Variants in UBAP1 observed in about 807,000 individuals in gnomAD.
UBAP1 encodes the protein ubiquitin-associated protein 1.
In UBAP1, 5 loss-of-function variants were observed where a neutral mutation model predicts 39.0. The ratio of observed to expected loss-of-function variants is 0.13; its 90% CI spans 0.07 to 0.27. The LOEUF (loss-of-function observed/expected upper bound fraction) is 0.27. UBAP1 is among the 10% of genes least tolerant of loss of function. The pLI is 1.00. For missense variants in UBAP1, 490 were observed against 608.1 expected (o/e 0.81, Z 2.04); for synonymous variants, 211 against 225.1 (o/e 0.94, Z 0.56).
intron 2 of UBAP1, among the ~76,000 whole-genome samples, chr9:34,233,528 C>T (rs972486136): frequency 3.9e-5 from 6 of 152,066 alleles, no homozygotes; most frequent in Admixed American, 6.6e-5. Context: ...CTCATCCATT[C>T]AGTATTTATT....
At chr9:34,194,698 A>G (rs1830923671) in intron 1 of UBAP1, among the ~76,000 whole-genome samples, 1 of 152,228 alleles carries the variant, frequency 6.6e-6, no homozygotes, top group Non-Finnish European at 1.5e-5. Flanking sequence ...ACATTTATTG[A>G]AAACATTATG....
At chr9:34,179,469 G>T (rs1829894601) in intron 1 of UBAP1, among the ~76,000 whole-genome samples, 3 of 152,050 alleles carry the variant, frequency 2.0e-5, no homozygotes, top group Admixed American at 1.3e-4. Flanking sequence ...GTGGGATGCG[G>T]AAAAATGAGT....
chr9:34,202,900 A>T (rs188001374), intron 1 of UBAP1, among the ~76,000 whole-genome samples: 1 of 152,152 alleles, frequency 6.6e-6, no homozygotes, highest in East Asian at 1.9e-4. Context: ...ATTATCAAAT[A>T]TTCATGTTTT....
At chr9:34,200,971 G>A (rs1428296744) in intron 1 of UBAP1, among the ~76,000 whole-genome samples, 5 of 152,020 alleles carry the variant, frequency 3.3e-5, no homozygotes, top group African/African-American at 7.2e-5. Flanking sequence ...GTGTGATGGC[G>A]TGATCTTGGC....
chr9:34,204,833 C>G (rs1340116260), intron 1 of UBAP1, among the ~76,000 whole-genome samples: 3 of 151,988 alleles, frequency 2.0e-5, no homozygotes, highest in African/African-American at 7.3e-5. Flanking sequence ...AACTTGTTGA[C>G]ATTATTTTTT....
At chr9:34,206,206 A>C (rs1408691335) in intron 1 of UBAP1, 1 of 152,254 alleles carries the variant, frequency 6.6e-6, no homozygotes, top group Non-Finnish European at 1.5e-5. Flanking sequence ...GAGATCAGAC[A>C]AGATCAGGAG....
At chr9:34,208,102 C>T (rs892997961) in intron 1 of UBAP1, among the ~76,000 whole-genome samples, 3 of 152,112 alleles carry the variant, frequency 2.0e-5, no homozygotes, top group Non-Finnish European at 2.9e-5. Flanking sequence ...CTTCTTTGAG[C>T]ATTAATGCTG....
chr9:34,231,130 T>TGTG (rs1268650627), intron 2 of UBAP1, among the ~76,000 whole-genome samples: 1 of 37,406 alleles, frequency 2.7e-5, no homozygotes, highest in African/African-American at 1.4e-4. Context: ...AAAAATTATG[T>TGTG]GTGTGTGTGT....
intron 1 of UBAP1, among the ~76,000 whole-genome samples, chr9:34,196,896 A>ATT (rs1259037434): frequency 2.0e-5 from 2 of 97,736 alleles, no homozygotes; most frequent in East Asian, 7.1e-4. Context: ...TAATATTGTT[A>ATT]TTTGTGTGTG....
At chr9:34,185,164 C>T (rs537483111) in intron 1 of UBAP1, among the ~76,000 whole-genome samples, 2 of 150,744 alleles carry the variant, frequency 1.3e-5, no homozygotes, top group South Asian at 4.2e-4. Context: ...GAACTTCGGA[C>T]CTCAGGTGAT....
intron 1 of UBAP1, among the ~76,000 whole-genome samples, chr9:34,218,926 T>A (rs1360630571): frequency 6.6e-6 from 1 of 151,990 alleles, no homozygotes; most frequent in African/African-American, 2.4e-5. Context: ...GCAAGATGCC[T>A]GTGAATGTTT....
chr9:34,246,191 TG>T (rs1286308589), intron 4 of UBAP1, among the ~76,000 whole-genome samples: 1 of 152,160 alleles, frequency 6.6e-6, no homozygotes, highest in African/African-American at 2.4e-5. Context: ...CTCAGCCTTC[TG>T]GGTAGCTGGG....
intron 1 of UBAP1, among the ~76,000 whole-genome samples, chr9:34,180,230 G>A (rs552197613): frequency 4.6e-5 from 7 of 152,192 alleles, no homozygotes; most frequent in East Asian, 1.9e-4. Flanking sequence ...AAAAGTTTCC[G>A]TATTGGCCGG....
At chr9:34,181,118 T>TTTTTTTTTC (rs1830001665) in intron 1 of UBAP1, among the ~76,000 whole-genome samples, 6 of 109,652 alleles carry the variant, frequency 5.5e-5, no homozygotes, top group East Asian at 2.9e-4. Flanking sequence ...CCTGTTTTCT[T>TTTTTTTTTC]TTTTTTTTTT....
chr9:34,237,269 A>C (rs1046270722), intron 3 of UBAP1, among the ~76,000 whole-genome samples: 5 of 152,200 alleles, frequency 3.3e-5, no homozygotes, highest in African/African-American at 1.2e-4. Context: ...ACTGCCCTCA[A>C]GGTACTTACA....
chr9:34,249,532 T>C (rs182587412), intron 4 of UBAP1, among the ~76,000 whole-genome samples: 2 of 152,164 alleles, frequency 1.3e-5, no homozygotes, highest in Admixed American at 6.5e-5. Context: ...AAAGTGGGAC[T>C]AGGGCAGAGC....
At chr9:34,242,151 T>C in intron 4 of UBAP1, 43 bp downstream of exon 4, 3 of 1,517,030 alleles carry the variant, frequency 2.0e-6, no homozygotes, top group Non-Finnish European at 2.7e-6. Flanking sequence ...ATTTTCCTGA[T>C]GACAGGGATT....
At chr9:34,187,708 C>CT (rs926831232) in intron 1 of UBAP1, among the ~76,000 whole-genome samples, 47 of 145,456 alleles carry the variant, frequency 3.2e-4, no homozygotes, top group East Asian at 9.9e-4. Context: ...ATGTATTTTG[C>CT]TTTTTTTTTT....
intron 3 of UBAP1, among the ~76,000 whole-genome samples, chr9:34,236,799 G>A (rs1457197373): frequency 6.6e-6 from 1 of 151,736 alleles, no homozygotes; most frequent in African/African-American, 2.4e-5. Flanking sequence ...GTTTTAAATT[G>A]TCACATCCCT....
Sources: gnomAD v4.1 joint callset for allele counts (sites outside exome capture counted in the v4.1 genomes callset) on GRCh38, gnomAD v4.1.1 for gene constraint, MANE v1.5 for transcripts, NCBI Gene and HGNC (gene_info 2026-07-23, HGNC 2026-07-21) for gene names.